The following PHF19 variants were observed in gnomAD, a reference collection of about 807,000 sequenced individuals.
The protein encoded by PHF19 is PHD finger protein 19, also known as polycomb like 3.
PHF19 carries 21 observed loss-of-function variants against 79.8 expected under a neutral mutation model. That is an observed-to-expected ratio of 0.26 (90% CI 0.19 to 0.38). PHF19 has a LOEUF of 0.38. Among genes scored for constraint, PHF19 ranks in the 10% least tolerant of loss-of-function variants. The pLI, the probability that PHF19 is intolerant of heterozygous loss-of-function variation, is 1.00. For synonymous variants in PHF19, 273 were observed against 296.3 expected (o/e 0.92, Z 0.81); for missense variants, 445 against 744.2 (o/e 0.60, Z 4.68).
intron 6 of PHF19, among the ~76,000 whole-genome samples, chr9:120,867,535 T>A (rs894854442): frequency 5.3e-5 from 8 of 152,186 alleles, no homozygotes; most frequent in Non-Finnish European, 1.2e-4. Flanking sequence ...GAGCTCCAGG[T>A]TAAAACGCAG....
rs1217913785 is a variant in PHF19 at position 120,855,697 on chromosome 9, T to C, written c.*2247A>G. The C allele has an allele frequency of 6.5e-6, 1 of 152,710 alleles. No homozygotes were observed. The allele number at this position is 152,710 out of a possible 1,614,324, so 9.5% of individuals were successfully genotyped here. A position where few individuals can be genotyped will look rare whatever the true frequency, so the allele number is the denominator to read the frequency against. On this transcript the variant is annotated 3_prime_UTR_variant, in exon 15 of 15. Coordinates refer to ENST00000373896, the MANE Select transcript of PHF19 (RefSeq NM_015651.3). Reference sequence around the variant, plus strand: ...TAAATCATAAATCAGACACATTAATTATAACTTTAACAAATGTTATTAAAA... The same window carrying C: ...TAAATCATAAATCAGACACATTAATCATAACTTTAACAAATGTTATTAAAA...
chr9:120,861,797 G>C (rs2045535024), intron 12 of PHF19, 121 bp downstream of exon 12: 4 of 759,948 alleles, frequency 5.3e-6, no homozygotes, highest in Non-Finnish European at 9.6e-6. Context: ...ATAGGGACTG[G>C]CTTCTTTAAG....
At chr9:120,864,215 A>G in intron 9 of PHF19, 99 bp from the exon 10 acceptor site, 1 of 990,974 alleles carries the variant, frequency 1.0e-6, no homozygotes, top group Non-Finnish European at 1.6e-6. Context: ...GATGCTTCTG[A>G]GTCCTTCAGG....
chr9:120,872,980 T>C (rs1029825282), intron 3 of PHF19, among the ~76,000 whole-genome samples: 3 of 152,198 alleles, frequency 2.0e-5, no homozygotes, highest in African/African-American at 7.2e-5. Context: ...CTAAGCATTT[T>C]ACATGGATTA....
At chr9:120,865,977 G>C (rs2045686271) in intron 8 of PHF19, 51 bp downstream of exon 8, 3 of 1,560,698 alleles carry the variant, frequency 1.9e-6, no homozygotes, top group Admixed American at 3.3e-5. Context: ...GAGGAGGGAG[G>C]GGAGAAGCTG....
chr9:120,856,715 A>G lies in PHF19; in HGVS notation c.*1229T>C, dbSNP rs2045368605. 6.5e-6 allele frequency: 1 copy of G among 152,692 alleles called. No individual in the cohort carries two copies. Among genetic ancestry groups the G allele is most frequent in the South Asian group, 2.1e-4 (1 of 4,834 alleles). 9.5% of individuals were successfully genotyped at this position (152,692 alleles called of 1,614,324 possible). ...ACCAAATGATGCAGGCTCTTTAAAA[A>G]TTTCAACCTATCCCAAAAAGTGATT... On this transcript the variant is annotated 3_prime_UTR_variant, in exon 15 of 15. Coordinates refer to ENST00000373896, the MANE Select transcript of PHF19 (RefSeq NM_015651.3).
chr9:120,871,030 G>A (rs1442603646), intron 3 of PHF19, among the ~76,000 whole-genome samples: 1 of 152,176 alleles, frequency 6.6e-6, no homozygotes, highest in African/African-American at 2.4e-5. Context: ...AGCCTCCCGA[G>A]TAGCTGAGAT....
rs1041159223 is a variant in PHF19, at chr9:120,869,981, G to A, written c.365-36C>T. The A allele has an allele frequency of 6.5e-6, 10 of 1,546,590 alleles. No individual in the cohort carries two copies. In the Middle Eastern group the frequency reaches 1.1e-3, roughly 165 times the overall value. Reference sequence around the variant, plus strand: ...GGAGGGGGCGGTGAGCGCCCACAAGGACATCGTGGCCCAAGGCCAGTTGGC... The same window carrying A: ...GGAGGGGGCGGTGAGCGCCCACAAGAACATCGTGGCCCAAGGCCAGTTGGC... On this transcript the variant is annotated intron_variant, in intron 4 of 14. Transcript: ENST00000373896. This position sits in a 1 kb window ranked among gnomAD's most constrained non-coding sequence, Gnocchi z 5.8.
the PHF19 span, chr9:120,903,563 G>A: frequency 6.5e-6 from 1 of 152,696 alleles, no homozygotes; most frequent in African/African-American, 2.4e-5. Context: ...AGGCTCAGCA[G>A]GTGGAGGAAG....
intron 12 of PHF19, 36 bp downstream of exon 12, chr9:120,861,882 G>C (rs201372560): frequency 7.1e-7 from 1 of 1,405,486 alleles, no homozygotes; most frequent in Non-Finnish European, 1.0e-6. Context: ...CTGACCCTGC[G>C]TATGAAAATG....
upstream of PHF19, among the ~76,000 whole-genome samples, chr9:120,881,149 G>T (rs60692488): frequency 1.4e-3 from 181 of 133,660 alleles, 3 homozygotes; most frequent in African/African-American, 3.8e-3. Flanking sequence ...TCGGGGGTTT[G>T]TTTTTTTTTT....
At position 120,869,685 on chromosome 9, in the gene PHF19, T is replaced by C. The variant is rs368389510; in HGVS notation, c.465+160A>G. The C allele has an allele frequency of 4.5e-5, 70 of 1,550,208 alleles. 1 individual carries two copies. Among genetic ancestry groups the C allele is most frequent in the Non-Finnish European group, 5.9e-5 (68 of 1,145,998 alleles). On this transcript the variant is annotated intron_variant, in intron 5 of 14. Transcript: ENST00000373896. The surrounding 1 kb of genome is among the most constrained non-coding windows in gnomAD (Gnocchi z 5.8). Reference sequence around the variant, plus strand: ...GTTGAGGAAACTGAGGCTCAGGGAGTCTACAAATCCTGGCCAAGGACAGTG... The same window carrying C: ...GTTGAGGAAACTGAGGCTCAGGGAGCCTACAAATCCTGGCCAAGGACAGTG...
intron 1 of PHF19, among the ~76,000 whole-genome samples, chr9:120,875,081 C>A (rs1188879729): frequency 6.6e-6 from 1 of 152,226 alleles, no homozygotes; most frequent in Non-Finnish European, 1.5e-5. Flanking sequence ...CACTCCCTGT[C>A]TCAGGAGGCT....
intron 3 of PHF19, among the ~76,000 whole-genome samples, chr9:120,872,037 C>CAAAAAAAAAAAAAAAAAAAAAAAAA (rs1170243737): frequency 6.6e-5 from 2 of 30,324 alleles, no homozygotes; most frequent in African/African-American, 1.3e-4. Context: ...GACTCTGTCT[C>CAAAAAAAAAAAAAAAAAAAAAAAAA]AAAAAAAAAA....
At position 120,864,033 on chromosome 9, in the gene PHF19, C is replaced by T; in HGVS notation, c.968+16G>A. The T allele has an allele frequency of 6.2e-7, 1 of 1,609,400 alleles. No individual in the cohort carries two copies. Among genetic ancestry groups the T allele is most frequent in the Non-Finnish European group, 8.5e-7 (1 of 1,176,914 alleles). On this transcript the variant is annotated intron_variant, in intron 10 of 14. Transcript: ENST00000373896. ...GTAGAGGGCCCCACCACACTCCCTC[C>T]CCTCCCTGCACGCACCGGCTTTTAT...
rs147627383 is a variant in PHF19, at chr9:120,890,936, TCTC to T, written c.42+3849_42+3851del. 5.9e-3 allele frequency among the ~76,000 whole-genome samples: 894 copies of T among 152,276 alleles called. 9 individuals are homozygous for T. Among genetic ancestry groups the T allele is most frequent in the Non-Finnish European group, 0.011 (735 of 68,028 alleles). Reference sequence around the variant, plus strand: ...ACACCTTCTCACCTGTGTAGCCTCTTCTCCTACTCTCCACCCCCACCCTTTAAC... The same window carrying T: ...ACACCTTCTCACCTGTGTAGCCTCTTCTACTCTCCACCCCCACCCTTTAAC... On this transcript the variant is annotated intron_variant, in intron 1 of 14. Coordinates refer to the PHF19 transcript ENST00000616568.
Position 120,874,002 on chromosome 9 carries a change from AC to A in PHF19, c.244del (p.Val82SerfsTer22). 1 of 1,603,518 alleles carries A rather than the reference AC, an allele frequency of 6.2e-7. No individual in the cohort carries two copies. The highest frequency in any genetic ancestry group is 8.5e-7 in the Non-Finnish European group (1 of 1,170,792). ...VTFEDNSKYW[V>X]LWKDIQHAGV... ...ACCATGCTGTATGTCCTTCCATAGG[AC>A]CCAGTATTTGGAATTATCTTCGAAA... On this transcript the variant is annotated frameshift_variant, in exon 3 of 15. Coordinates refer to ENST00000373896, the MANE Select transcript of PHF19 (RefSeq NM_015651.3). LOFTEE classifies it high-confidence loss of function. The surrounding 1 kb of genome is among the most constrained non-coding windows in gnomAD (Gnocchi z 4.5).
chr9:120,858,858 C>T (rs927772289), intron 14 of PHF19, among the ~76,000 whole-genome samples: 2 of 150,292 alleles, frequency 1.3e-5, no homozygotes, highest in African/African-American at 2.5e-5. Context: ...CACACACACA[C>T]GGGTGTTAGA....
Position 120,860,293 on chromosome 9 carries a change from G to A in PHF19, c.1305-108C>T, listed in dbSNP as rs1015212701. On this transcript the variant is annotated intron_variant, in intron 13 of 14. Coordinates refer to ENST00000373896, the MANE Select transcript of PHF19 (RefSeq NM_015651.3). The surrounding 1 kb of genome is among the most constrained non-coding windows in gnomAD (Gnocchi z 4.1). The stretch of plus-strand genomic sequence containing the variant: ...GCATCCTTCATCCCAGTGGAGGCCC[G>A]TCTTCCCACAGCTGAGCTTCCCACC... The A allele has an allele frequency of 3.6e-5, 24 of 672,332 alleles. No homozygotes were observed. The highest frequency in any genetic ancestry group is 5.3e-5 in the African/African-American group (3 of 56,514). The allele number at this position is 672,332 out of a possible 1,614,324, so 41.6% of individuals were successfully genotyped here.
Sources: allele counts gnomAD v4.1 joint callset (sites outside exome capture counted in the v4.1 genomes callset), GRCh38; gene constraint gnomAD v4.1.1; non-coding constraint Gnocchi (gnomAD v3.1); transcripts MANE v1.5; gene names NCBI Gene and HGNC (gene_info 2026-07-23, HGNC 2026-07-21).